DLG2: variants seen among roughly 807,000 people sequenced by gnomAD.
The protein encoded by DLG2 is discs large MAGUK scaffold protein 2.
In DLG2, 45 loss-of-function variants were observed where a neutral mutation model predicts 132.5. The observed-to-expected ratio is 0.34, with a 90% CI of 0.27 to 0.44. The LOEUF (loss-of-function observed/expected upper bound fraction) is 0.44, where lower values mean the gene tolerates loss of function less well. Ranked by LOEUF, DLG2 falls within the 20% of genes least tolerant of loss-of-function variation. The pLI is 1.00. For missense variants in DLG2, 1,045 were observed against 1,196.9 expected, an observed-to-expected ratio of 0.87 and a Z score of 1.87; for synonymous variants, 424 against 419.6, an observed-to-expected ratio of 1.01 and a Z score of -0.13.
intron 4 of DLG2, among the ~76,000 whole-genome samples, chr11:85,204,107 T>C (rs2081674148): frequency 1.1e-4 from 17 of 152,118 alleles, no homozygotes. Context: ...ATTGAAAGCA[T>C]TTCCATAAGA....
intron 8 of DLG2, among the ~76,000 whole-genome samples, chr11:84,219,259 T>C (rs993096619): frequency 3.3e-5 from 5 of 152,222 alleles, no homozygotes; most frequent in Non-Finnish European, 7.3e-5. Context: ...TTTTACAACA[T>C]TAAGCAGTGA....
At chr11:84,968,988 A>G (rs144432198) in intron 6 of DLG2, among the ~76,000 whole-genome samples, 48 of 152,034 alleles carry the variant, frequency 3.2e-4, no homozygotes, top group Admixed American at 6.5e-4. Context: ...GTAGAGCAGT[A>G]TATATACAAT....
chr11:85,045,437 A>AGCTT (rs2062245796), intron 6 of DLG2, among the ~76,000 whole-genome samples: 1 of 152,062 alleles, frequency 6.6e-6, no homozygotes, highest in Non-Finnish European at 1.5e-5. Context: ...AAGTGAAAAT[A>AGCTT]GCTTGCTTTT....
At chr11:84,154,235 T>C (rs2095373500) in intron 9 of DLG2, among the ~76,000 whole-genome samples, 2 of 152,204 alleles carry the variant, frequency 1.3e-5, no homozygotes, top group South Asian at 4.1e-4. Flanking sequence ...TGACCTCAAG[T>C]GATCCACCCA....
intron 17 of DLG2, among the ~76,000 whole-genome samples, chr11:83,796,904 T>C (rs933454270): frequency 1.3e-5 from 2 of 152,162 alleles, no homozygotes; most frequent in African/African-American, 2.4e-5. Context: ...CGGTAAGTGC[T>C]AGCACAAAAA....
At chr11:83,563,492 C>G (rs111498236) in intron 19 of DLG2, among the ~76,000 whole-genome samples, 1,874 of 152,224 alleles carry the variant, frequency 0.012, 38 homozygotes, top group African/African-American at 0.043. Flanking sequence ...TACCTGCTCT[C>G]TATATTCTAA....
chr11:85,461,327 A>G (rs2092605050), intron 3 of DLG2, among the ~76,000 whole-genome samples: 1 of 152,260 alleles, frequency 6.6e-6, no homozygotes, highest in Non-Finnish European at 1.5e-5. Flanking sequence ...AGAGAAAAGA[A>G]TACAGTTGAG....
chr11:84,168,340 G>T (rs2154266940), intron 8 of DLG2, among the ~76,000 whole-genome samples: 1 of 152,340 alleles, frequency 6.6e-6, no homozygotes, highest in East Asian at 1.9e-4. Flanking sequence ...TAGAGAATAT[G>T]ACAGACGATG....
chr11:85,103,660 G>C (rs2071239109), intron 6 of DLG2, among the ~76,000 whole-genome samples: 1 of 151,908 alleles, frequency 6.6e-6, no homozygotes. Flanking sequence ...TGTGACCTTG[G>C]GTTATGCCAA....
intron 6 of DLG2, among the ~76,000 whole-genome samples, chr11:84,600,242 AGC>A (rs1209184300): frequency 1.2e-4 from 12 of 101,450 alleles, no homozygotes; most frequent in South Asian, 3.4e-4. Flanking sequence ...AAGACAGAAA[AGC>A]AAGCAAGCAA....
chr11:85,024,235 C>T (rs2060321644), intron 6 of DLG2, among the ~76,000 whole-genome samples: 1 of 152,094 alleles, frequency 6.6e-6, no homozygotes. Flanking sequence ...GAAGCTCTTC[C>T]TCAGCATTAG....
intron 6 of DLG2, among the ~76,000 whole-genome samples, chr11:84,591,221 C>CTGTGTGTGTGTGTG (rs777029147): frequency 6.3e-4 from 16 of 25,470 alleles, no homozygotes; most frequent in Non-Finnish European, 1.0e-3. Flanking sequence ...ATATGTGTCT[C>CTGTGTGTGTGTGTG]TCTGTGTGTG....
chr11:84,623,665 A>G (rs2099617598), intron 6 of DLG2, among the ~76,000 whole-genome samples: 1 of 152,152 alleles, frequency 6.6e-6, no homozygotes, highest in Non-Finnish European at 1.5e-5. Flanking sequence ...ACACATTTTA[A>G]TAGTTACTAC....
At chr11:85,445,486 T>G (rs2091967473) in intron 3 of DLG2, among the ~76,000 whole-genome samples, 1 of 152,194 alleles carries the variant, frequency 6.6e-6, no homozygotes, top group Non-Finnish European at 1.5e-5. Flanking sequence ...GAGACCAGCC[T>G]GGTCAACATG....
chr11:83,633,710 T>C (rs7105588), intron 18 of DLG2, among the ~76,000 whole-genome samples: 46,284 of 149,772 alleles, frequency 0.31, 7,383 homozygotes, highest in African/African-American at 0.35. Context: ...TGGATATTGG[T>C]AACTGCACGT....
intron 16 of DLG2, among the ~76,000 whole-genome samples, chr11:83,864,052 C>T (rs1418614157): frequency 6.6e-6 from 1 of 152,166 alleles, no homozygotes; most frequent in East Asian, 1.9e-4. Context: ...TCTATACTTC[C>T]ATGTAGCTCT....
At chr11:83,512,215 C>A (rs2095064662) in intron 21 of DLG2, among the ~76,000 whole-genome samples, 1 of 152,080 alleles carries the variant, frequency 6.6e-6, no homozygotes, top group Admixed American at 6.5e-5. Context: ...CCCCTTCTGC[C>A]CTCTTCTCTC....
chr11:85,326,380 G>A (rs1390900640), intron 3 of DLG2, among the ~76,000 whole-genome samples: 1 of 128,220 alleles, frequency 7.8e-6, no homozygotes, highest in African/African-American at 3.0e-5. Flanking sequence ...GAGAAAGGTC[G>A]GGTTACCCTC....
intron 3 of DLG2, among the ~76,000 whole-genome samples, chr11:85,554,104 A>T (rs1051052322): frequency 6.6e-6 from 1 of 151,400 alleles, no homozygotes. Flanking sequence ...TCAACTCAAG[A>T]AGTTTTTAAA....
Sources: allele counts gnomAD v4.1 joint callset (sites outside exome capture counted in the v4.1 genomes callset), GRCh38; gene constraint gnomAD v4.1.1; transcripts MANE v1.5; gene names NCBI Gene and HGNC (gene_info 2026-07-23, HGNC 2026-07-21).